Variants in ZNF735 observed in about 807,000 individuals in gnomAD.
ZNF735 encodes zinc finger protein 735.
Under a neutral mutation model 13.4 loss-of-function variants are expected in ZNF735, and 11 were observed. The ratio of observed to expected loss-of-function variants is 0.82; its 90% CI spans 0.52 to 1.36. The LOEUF is 1.36. Ranked by LOEUF, ZNF735 falls within the 40% of genes most tolerant of loss-of-function variation. The probability of loss-of-function intolerance (pLI) is 0.00; values close to 1 mark genes in which losing one functional copy is unlikely to be tolerated. For missense variants in ZNF735, 500 were observed against 484.6 expected (o/e 1.03, Z -0.30); for synonymous variants, 171 against 162.6 (o/e 1.05, Z -0.39).
intron 1 of ZNF735, among the ~76,000 whole-genome samples, chr7:64,207,938 G>T (rs959445849): frequency 1.3e-5 from 2 of 151,746 alleles, no homozygotes; most frequent in African/African-American, 2.4e-5. Context: ...AGTGAGCCGA[G>T]ATCGCGCCAT....
At chr7:64,207,380 TG>T (rs1411681828) in intron 1 of ZNF735, 139 bp downstream of exon 1, 7 of 1,532,032 alleles carry the variant, frequency 4.6e-6, no homozygotes, top group African/African-American at 4.1e-5. Context: ...CCAGTTCGGC[TG>T]TTAGCCCCCT....
intron 1 of ZNF735, among the ~76,000 whole-genome samples, chr7:64,210,287 A>G (rs1369008068): frequency 3.3e-5 from 5 of 152,270 alleles, no homozygotes; most frequent in African/African-American, 1.2e-4. Flanking sequence ...AAAGCCAACA[A>G]AAAAATATAG....
intron 3 of ZNF735, 64 bp downstream of exon 3, chr7:64,214,172 G>A (rs889699798): frequency 1.8e-5 from 27 of 1,534,230 alleles, no homozygotes; most frequent in Middle Eastern, 1.7e-4. Flanking sequence ...GAGGTAGCCA[G>A]TCTTTAAAAT....
Position 64,207,717 on chromosome 7 carries a change from G to A in ZNF735, c.39+476G>A, listed in dbSNP as rs112984005. 2.5e-3 allele frequency among the ~76,000 whole-genome samples: 374 copies of A among 152,248 alleles called. 2 individuals are homozygous for A. Among genetic ancestry groups the A allele is most frequent in the African/African-American group, 8.7e-3 (362 of 41,540 alleles). ...AAGAATCATAGAGCGGGCCAGGCGCGGTGGCTCACGCCTGTAATCCCAGCA... is the reference window on the plus strand; with the variant it reads ...AAGAATCATAGAGCGGGCCAGGCGCAGTGGCTCACGCCTGTAATCCCAGCA... On this transcript the variant is annotated intron_variant, in intron 1 of 3. Coordinates refer to ENST00000429565, the Ensembl canonical transcript of ZNF735.
intron 1 of ZNF735, 36 bp from the exon 2 acceptor site, chr7:64,213,056 G>A (rs746463609): frequency 6.9e-5 from 109 of 1,583,078 alleles, no homozygotes; most frequent in Non-Finnish European, 9.1e-5. Context: ...CATATGGTAA[G>A]TGTGTGTTCA....
At chr7:64,215,082 A>G (rs1368821472) in intron 3 of ZNF735, among the ~76,000 whole-genome samples, 1 of 150,244 alleles carries the variant, frequency 6.7e-6, no homozygotes, top group African/African-American at 2.5e-5. Context: ...TTTTTTTGAA[A>G]CAGAGTTTTT....
chr7:64,211,125 CT>C (rs1787355002), intron 1 of ZNF735, among the ~76,000 whole-genome samples: 1 of 152,086 alleles, frequency 6.6e-6, no homozygotes, highest in South Asian at 2.1e-4. Flanking sequence ...TCAAGGGGTT[CT>C]GAAAAAAATA....
rs1479269257 is a variant in ZNF735 at position 64,214,039 on chromosome 7, A to T, written c.193A>T (p.Ile65Phe). 3 of 1,599,486 alleles carry T rather than the reference A, an allele frequency of 1.9e-6. No individual in the cohort carries two copies. The African/African-American group carries it at 4.0e-5, about 21-fold the overall frequency. Reference sequence around the variant, plus strand: ...TATGACTGTCTCTAAGCCAGACTTGATCGCCTGTCTGGAGCAAAATAAAGA... The same window carrying T: ...TATGACTGTCTCTAAGCCAGACTTGTTCGCCTGTCTGGAGCAAAATAAAGA... The change falls in exon 3 of 4, where the codon ATC becomes TTC. Residue 65 changes from isoleucine to phenylalanine, a missense_variant. Coordinates refer to ENST00000429565, the Ensembl canonical transcript of ZNF735.
rs1037076200 is a variant in ZNF735 at position 64,219,258 on chromosome 7, A to G, written c.263-56A>G. ...ACAATTTTATATATTTGATTTGTAC[A>G]GTATATTTATCTGAGTCTAGTAAGT... On this transcript the variant is annotated intron_variant, in intron 3 of 3. Transcript: ENST00000429565. 24 of 1,568,438 alleles carry G rather than the reference A, an allele frequency of 1.5e-5. No individual in the cohort carries two copies. The African/African-American group carries it at 2.8e-4, about 18-fold the overall frequency.
chr7:64,214,098 C>T (rs776557059), exon 3 of ZNF735: 1 of 1,600,160 alleles, frequency 6.2e-7, no homozygotes. Flanking sequence ...AGATGGCAGC[C>T]AAACACCCAG....
At chr7:64,212,892 G>A (rs1173050593) in intron 1 of ZNF735, among the ~76,000 whole-genome samples, 200 bp from the exon 2 acceptor site, 2 of 151,912 alleles carry the variant, frequency 1.3e-5, no homozygotes, top group East Asian at 1.9e-4. Context: ...CTGTGGTATT[G>A]TGAATCTTAT....
chr7:64,212,800 A>AG (rs1271399385), intron 1 of ZNF735, among the ~76,000 whole-genome samples: 3 of 151,862 alleles, frequency 2.0e-5, no homozygotes, highest in African/African-American at 4.8e-5. Flanking sequence ...AGAAAAAAAA[A>AG]AAAAGAAAAG....
At chr7:64,208,256 T>TTTG (rs1787315551) in intron 1 of ZNF735, among the ~76,000 whole-genome samples, 5 of 61,906 alleles carry the variant, frequency 8.1e-5, no homozygotes, top group Middle Eastern at 7.5e-3. Context: ...TTTTTTTTTT[T>TTTG]TTTTTTTTTT....
intron 2 of ZNF735, among the ~76,000 whole-genome samples, 169 bp downstream of exon 2, chr7:64,213,387 T>A (rs112823624): frequency 0.07 from 10,609 of 152,276 alleles, 445 homozygotes; most frequent in African/African-American, 0.1. Context: ...TATCTTGACC[T>A]GAACTTTTCC....
chr7:64,207,797 A>T (rs1787307055), intron 1 of ZNF735, among the ~76,000 whole-genome samples: 1 of 152,100 alleles, frequency 6.6e-6, no homozygotes, highest in African/African-American at 2.4e-5. Flanking sequence ...GACCAGCATG[A>T]CCAACATGGT....
intron 1 of ZNF735, among the ~76,000 whole-genome samples, chr7:64,212,574 C>T (rs1048575380): frequency 3.9e-5 from 6 of 152,060 alleles, no homozygotes; most frequent in African/African-American, 1.2e-4. Flanking sequence ...GAGTGGATCA[C>T]GTGAGGTCAG....
chr7:64,217,823 G>A (rs553648715), intron 3 of ZNF735, among the ~76,000 whole-genome samples: 1 of 151,798 alleles, frequency 6.6e-6, no homozygotes, highest in African/African-American at 2.4e-5. Context: ...AAAAAAAAAT[G>A]ACTTCAGTTG....
At chr7:64,207,687 G>A in intron 1 of ZNF735, among the ~76,000 whole-genome samples, 1 of 152,162 alleles carries the variant, frequency 6.6e-6, no homozygotes, top group East Asian at 1.9e-4. Context: ...ATCAAAACGT[G>A]ATTCAAGAAT....
At chr7:64,213,335 C>T (rs1787382791) in intron 2 of ZNF735, 117 bp downstream of exon 2, 5 of 1,047,660 alleles carry the variant, frequency 4.8e-6, no homozygotes, top group Non-Finnish European at 6.8e-6. Context: ...TAAAGAAAAT[C>T]TTGGGGATTC....
Sources: allele counts gnomAD v4.1 joint callset (sites outside exome capture counted in the v4.1 genomes callset), GRCh38; gene constraint gnomAD v4.1.1; transcripts MANE v1.5; gene names NCBI Gene and HGNC (gene_info 2026-07-23, HGNC 2026-07-21).